SYNJ2: variants seen among roughly 807,000 people sequenced by gnomAD.
SYNJ2 encodes polyphosphatidylinositol phosphatase SYNJ2.
SYNJ2 carries 116 observed loss-of-function variants against 141.3 expected under a neutral mutation model. That is an observed-to-expected ratio of 0.82 (90% CI 0.71 to 0.96). The LOEUF is 0.96. SYNJ2 is among the 40% of genes least tolerant of loss of function. The pLI, the probability that SYNJ2 is intolerant of heterozygous loss-of-function variation, is 0.00. For missense variants in SYNJ2, 1,873 were observed against 1,934.8 expected (o/e 0.97, Z 0.60); for synonymous variants, 745 against 777.7 (o/e 0.96, Z 0.70).
intron 7 of SYNJ2, among the ~76,000 whole-genome samples, chr6:158,060,776 G>T (rs778372911): frequency 6.6e-6 from 1 of 152,188 alleles, no homozygotes; most frequent in Non-Finnish European, 1.5e-5. Flanking sequence ...TTGAGTTGTG[G>T]CCCCTCCCAT....
rs61529071 is a variant in SYNJ2 at position 157,993,797 on chromosome 6, GTTTTTTTTT to G, written c.127+11736_127+11744del. On this transcript the variant is annotated intron_variant, in intron 1 of 26. Coordinates refer to ENST00000355585, the MANE Select transcript of SYNJ2 (RefSeq NM_003898.4). ...AGTTTGTGTGTCTGGAAATGTGTGG[GTTTTTTTTT>G]TTTTTTTTTTTTTTTTTTTTTTTTT... 6.3e-4 allele frequency among the ~76,000 whole-genome samples: 30 copies of G among 47,964 alleles called. 1 individual carries two copies. The highest frequency in any genetic ancestry group is 1.9e-3 in the African/African-American group (25 of 13,266). The allele number at this position is 47,964 out of a possible 152,430, so 31.5% of individuals were successfully genotyped here. A position where few individuals can be genotyped will look rare whatever the true frequency, so the allele number is the denominator to read the frequency against.
rs149084806 is a variant in SYNJ2, at chr6:158,080,658, A to G, written c.2568-451A>G. ...GATGAACAATTTTGGAACTCTATGTAAAGTGCCAAGTAACCCTCTGAAAAG... is the reference window on the plus strand; with the variant it reads ...GATGAACAATTTTGGAACTCTATGTGAAGTGCCAAGTAACCCTCTGAAAAG... On this transcript the variant is annotated intron_variant, in intron 18 of 26. Transcript: ENST00000355585. Among the ~76,000 whole-genome samples the G allele has an allele frequency of 1.9e-3, 292 of 152,274 alleles. 1 individual carries two copies. Among genetic ancestry groups the G allele is most frequent in the African/African-American group, 6.7e-3 (278 of 41,574 alleles).
At chr6:158,047,794 A>AAAAAAC (rs1780331488) in intron 5 of SYNJ2, among the ~76,000 whole-genome samples, 14 of 149,812 alleles carry the variant, frequency 9.3e-5, no homozygotes, top group Non-Finnish European at 2.1e-4. Context: ...AAAAAAAAAA[A>AAAAAAC]AAAAAAAAAA....
chr6:158,086,736 C>G (rs1053529391), intron 22 of SYNJ2, 119 bp from the exon 23 acceptor site: 1 of 1,018,604 alleles, frequency 9.8e-7, no homozygotes, highest in Non-Finnish European at 1.3e-6. Context: ...CTGGACAGAG[C>G]CTTCAGCTGT....
In SYNJ2 at chr6:158,016,595, G is replaced by A. The variant is rs1206681949; in HGVS notation, c.128-609G>A. 2.0e-5 allele frequency among the ~76,000 whole-genome samples: 3 copies of A among 152,132 alleles called. No homozygotes were observed. In the East Asian group the frequency reaches 5.8e-4, roughly 29 times the overall value. On this transcript the variant is annotated intron_variant, in intron 1 of 26. Transcript: ENST00000355585. ...GCCTGTGGCATCATTGGAGAGGTTA[G>A]GGCTCTCCCTAACCATTAGGGCTCC...
intron 6 of SYNJ2, among the ~76,000 whole-genome samples, chr6:158,056,736 C>A (rs191715441): frequency 6.6e-6 from 1 of 152,196 alleles, no homozygotes; most frequent in Non-Finnish European, 1.5e-5. Context: ...TCTCAAGAGT[C>A]GTGCGGTTCT....
Position 158,076,752 on chromosome 6 carries a change from T to A in SYNJ2, c.2419T>A (p.Trp807Arg). 6.2e-7 allele frequency: 1 copy of A among 1,613,344 alleles called. No individual in the cohort carries two copies. The change falls in exon 17 of 27, where the codon TGG becomes AGG. Residue 807 changes from tryptophan (W) to arginine (R), a missense_variant. Trp to Arg is a moderately radical substitution (Grantham distance 101). Coordinates refer to ENST00000355585, the MANE Select transcript of SYNJ2 (RefSeq NM_003898.4). ...CGCCTGGACAGACAGGGTGCTGTGGTGGAGGAAGAAACATCCCTTTGATAA... is the reference window on the plus strand; with the variant it reads ...CGCCTGGACAGACAGGGTGCTGTGGAGGAGGAAGAAACATCCCTTTGATAA... The part of the protein sequence containing the change: ...TPAWTDRVLW[W>R]RKKHPFDKTA...
intron 3 of SYNJ2, 36 bp from the exon 4 acceptor site, chr6:158,033,419 A>C: frequency 6.2e-7 from 1 of 1,601,684 alleles, no homozygotes; most frequent in Admixed American, 1.7e-5. Flanking sequence ...GGAGGATGTC[A>C]AGTGACTGGA....
chr6:158,096,415 C>G lies in SYNJ2; in HGVS notation c.*51C>G. ...CTATAGAATGCATACCTTCCTCCCT[C>G]TAGACATCCCTCCACCAGAAGAGAC... On this transcript the variant is annotated 3_prime_UTR_variant, in exon 27 of 27. Coordinates refer to ENST00000355585, the MANE Select transcript of SYNJ2 (RefSeq NM_003898.4). 6.6e-7 allele frequency: 1 copy of G among 1,515,650 alleles called. No homozygotes were observed. The highest frequency in any genetic ancestry group is 8.8e-7 in the Non-Finnish European group (1 of 1,138,604). 93.9% of individuals were successfully genotyped at this position (1,515,650 alleles called of 1,614,324 possible).
Position 158,088,694 on chromosome 6 carries a change from G to A in SYNJ2, c.3378G>A (p.Ala1126=), listed in dbSNP as rs145859045. The change falls in exon 24 of 27, where the codon GCG becomes GCA. Residue 1126 remains alanine, a synonymous_variant. Transcript: ENST00000355585. ...TGGTGAAAAAGTCGGCTTCAGATGC[G>A]TCCATCTCCTCCGGCACCCATGGAC... ...GLMVKKSASD[A]SISSGTHGQY... 8.3e-4 allele frequency: 1,344 copies of A among 1,614,004 alleles called. 1 individual carries two copies. The highest frequency in any genetic ancestry group is 1.0e-3 in the Non-Finnish European group (1,204 of 1,179,998).
intron 4 of SYNJ2, among the ~76,000 whole-genome samples, chr6:158,036,353 A>G (rs1779636803): frequency 6.6e-6 from 1 of 152,238 alleles, no homozygotes; most frequent in African/African-American, 2.4e-5. Flanking sequence ...TAGCAAAGAC[A>G]TGGAATCAAC....
chr6:158,008,187 G>C (rs61275805), intron 1 of SYNJ2, among the ~76,000 whole-genome samples: 6,061 of 151,922 alleles, frequency 0.04, 434 homozygotes, highest in African/African-American at 0.14. Context: ...TGGCCAGGCT[G>C]GTCTTGAACT....
chr6:158,046,895 C>T (rs1268738436), intron 5 of SYNJ2, among the ~76,000 whole-genome samples: 1 of 150,412 alleles, frequency 6.6e-6, no homozygotes, highest in Non-Finnish European at 1.5e-5. Flanking sequence ...GAAGCTTCCC[C>T]CCACCATATG....
intron 1 of SYNJ2, among the ~76,000 whole-genome samples, chr6:158,013,324 T>C (rs1008043783): frequency 1.3e-5 from 2 of 152,108 alleles, no homozygotes; most frequent in Non-Finnish European, 2.9e-5. Flanking sequence ...GAGGTTACAG[T>C]GAGCTGAGAT....
intron 2 of SYNJ2, 98 bp downstream of exon 2, chr6:158,017,388 G>A (rs1194876230): frequency 1.1e-5 from 13 of 1,166,752 alleles, no homozygotes; most frequent in South Asian, 1.8e-5. Context: ...CTGTTTGACC[G>A]CTCTTCTCTC....
chr6:158,049,788 G>A (rs140970940), intron 5 of SYNJ2, among the ~76,000 whole-genome samples: 119 of 152,242 alleles, frequency 7.8e-4, no homozygotes, highest in African/African-American at 2.7e-3. Flanking sequence ...CTGCAGGTAT[G>A]CACGTGGCTC....
intron 12 of SYNJ2, among the ~76,000 whole-genome samples, chr6:158,067,258 A>T (rs1021760542): frequency 2.4e-4 from 36 of 152,180 alleles, no homozygotes; most frequent in Non-Finnish European, 5.9e-5. Flanking sequence ...ACCTCAGGGG[A>T]TCCCTCTGCC....
In SYNJ2 at chr6:158,035,364, T is replaced by C. The variant is rs537050299; in HGVS notation, c.711+1684T>C. 3.3e-5 allele frequency among the ~76,000 whole-genome samples: 5 copies of C among 152,350 alleles called. No individual in the cohort carries two copies. The South Asian group carries it at 1.0e-3, about 32-fold the overall frequency. ...ATCTCCAATTTCTTTGAGCAGTGTT[T>C]TGTAATTCTCATTGTAGAGATCTTT... is the stretch of plus-strand genomic sequence containing the variant. On this transcript the variant is annotated intron_variant, in intron 4 of 26. Transcript: ENST00000355585.
At chr6:157,986,833 T>C (rs1485839953) in intron 1 of SYNJ2, among the ~76,000 whole-genome samples, 1 of 152,270 alleles carries the variant, frequency 6.6e-6, no homozygotes, top group Non-Finnish European at 1.5e-5. Flanking sequence ...GCCATTTTTA[T>C]TTCACTTGTC....
Sources: allele counts gnomAD v4.1 joint callset (sites outside exome capture counted in the v4.1 genomes callset), GRCh38; gene constraint gnomAD v4.1.1; transcripts MANE v1.5; gene names NCBI Gene and HGNC (gene_info 2026-07-23, HGNC 2026-07-21).